Variants in DAB2 observed in about 807,000 individuals in gnomAD.
The protein encoded by DAB2 is disabled homolog 2.
In DAB2, 28 loss-of-function variants were observed where a neutral mutation model predicts 71.6. The ratio of observed to expected loss-of-function variants is 0.39; its 90% CI spans 0.29 to 0.54. DAB2 has a LOEUF of 0.54. DAB2 is among the 20% of genes least tolerant of loss of function. The pLI, the probability that DAB2 is intolerant of heterozygous loss-of-function variation, is 0.68. For missense variants in DAB2, 867 were observed against 928.8 expected, an observed-to-expected ratio of 0.93 and a Z score of 0.86; for synonymous variants, 345 against 339.7, an observed-to-expected ratio of 1.02 and a Z score of -0.17.
chr5:39,410,429 T>C (rs1192299109), intron 1 of DAB2, among the ~76,000 whole-genome samples: 2 of 152,178 alleles, frequency 1.3e-5, no homozygotes, highest in African/African-American at 2.4e-5. Context: ...TAATAGCCCA[T>C]GCAAGATGTT....
At chr5:39,388,924 T>C (rs1235063222) in intron 7 of DAB2, 72 bp from the exon 8 acceptor site, 1 of 1,387,866 alleles carries the variant, frequency 7.2e-7, no homozygotes, top group Non-Finnish European at 1.0e-6. Context: ...ACTCTATTAG[T>C]CTGCTAAGCA....
chr5:39,394,416 A>G lies in DAB2; in HGVS notation c.-96T>C. 1 of 896,092 alleles carries G rather than the reference A, an allele frequency of 1.1e-6. No homozygotes were observed. The highest frequency in any genetic ancestry group is 1.9e-6 in the Non-Finnish European group (1 of 533,990). 55.5% of individuals were successfully genotyped at this position (896,092 alleles called of 1,614,324 possible). On this transcript the variant is annotated 5_prime_UTR_variant, in exon 2 of 15. Transcript: ENST00000320816. ...GTCTCAAATAAACATAACCTCCCAC[A>G]GACACCTGTAGGCAGAGTTTAGAGG... is the stretch of plus-strand genomic sequence containing the variant.
At chr5:39,388,722 T>C (rs753672437) in intron 8 of DAB2, 77 bp downstream of exon 8, 39 of 1,182,134 alleles carry the variant, frequency 3.3e-5, no homozygotes, top group Non-Finnish European at 4.6e-5. Context: ...ACAGATTTGG[T>C]ATCAGCAACA....
intron 1 of DAB2, chr5:39,423,839 G>C (rs1756042392): frequency 6.6e-6 from 1 of 152,028 alleles, no homozygotes; most frequent in African/African-American, 2.4e-5. Context: ...CCATGTGTCT[G>C]GAAGCTTGTT....
chr5:39,392,259 T>G, intron 4 of DAB2, 106 bp downstream of exon 4: 1 of 786,042 alleles, frequency 1.3e-6, no homozygotes. Context: ...GATATATTTG[T>G]TCCCCACAGA....
chr5:39,392,038 T>C (rs1281557994), intron 4 of DAB2, among the ~76,000 whole-genome samples: 1 of 147,738 alleles, frequency 6.8e-6, no homozygotes, highest in Non-Finnish European at 1.5e-5. Context: ...TATTTTAATG[T>C]ATATTTGTAT....
intron 3 of DAB2, among the ~76,000 whole-genome samples, chr5:39,392,772 T>G (rs916264572): frequency 1.3e-5 from 2 of 152,232 alleles, no homozygotes; most frequent in African/African-American, 2.4e-5. Context: ...GAACAAGTAT[T>G]ATTTATTCAG....
intron 1 of DAB2, among the ~76,000 whole-genome samples, chr5:39,403,831 G>GT (rs1010494124): frequency 3.4e-5 from 5 of 146,184 alleles, no homozygotes; most frequent in African/African-American, 1.0e-4. Context: ...TACCCATTTT[G>GT]TTTTTTTTAA....
intron 1 of DAB2, among the ~76,000 whole-genome samples, chr5:39,395,037 G>A (rs1402259006): frequency 6.6e-6 from 1 of 152,122 alleles, no homozygotes; most frequent in Non-Finnish European, 1.5e-5. Context: ...GGTTCCAATT[G>A]TGCAATTAAT....
intron 11 of DAB2, among the ~76,000 whole-genome samples, chr5:39,378,288 T>C (rs1754879536): frequency 6.6e-6 from 1 of 152,214 alleles, no homozygotes; most frequent in Admixed American, 6.5e-5. Context: ...CTTTCCTGCC[T>C]CTTTCCAAGT....
At chr5:39,374,879 T>G in intron 14 of DAB2, 135 bp downstream of exon 14, 1 of 666,584 alleles carries the variant, frequency 1.5e-6, no homozygotes, top group Non-Finnish European at 2.7e-6. Flanking sequence ...TCAGTAGAGA[T>G]TTTCCTGTCG....
intron 1 of DAB2, 106 bp downstream of exon 1, chr5:39,424,698 A>C (rs1179944877): frequency 8.0e-6 from 1 of 124,752 alleles, no homozygotes; most frequent in African/African-American, 3.0e-5. Context: ...GTACTCAAAG[A>C]AGGGTAGCGG....
rs1042068373 is a variant in DAB2, at chr5:39,392,244, T to C, written c.330+121A>G. The C allele has an allele frequency of 8.6e-5, 63 of 732,602 alleles. No individual in the cohort carries two copies. In the African/African-American group the frequency reaches 1.0e-3, roughly 12 times the overall value. 45.4% of individuals were successfully genotyped at this position (732,602 alleles called of 1,614,324 possible). ...CTGCCTGTTACTTCTGGAGATGTAA[T>C]ATATGATATATTTGTTCCCCACAGA... On this transcript the variant is annotated intron_variant, in intron 4 of 14. Transcript: ENST00000320816.
intron 11 of DAB2, among the ~76,000 whole-genome samples, chr5:39,379,555 T>C (rs1754909852): frequency 6.6e-6 from 1 of 151,854 alleles, no homozygotes; most frequent in South Asian, 2.1e-4. Context: ...AATCCCCACA[T>C]TGTGTTTTAA....
At position 39,381,579 on chromosome 5, in the gene DAB2, G is replaced by A. The variant is rs149046873; in HGVS notation, c.1379C>T (p.Ala460Val). Residue 460 changes from alanine (A) to valine (V), a missense_variant, in exon 11 of 15, where the codon GCT becomes GTT. By Grantham distance (64) the Ala-to-Val change is moderately conservative (BLOSUM62 0). Coordinates refer to ENST00000320816, the MANE Select transcript of DAB2 (RefSeq NM_001343.4). Reference sequence around the variant, plus strand: ...GCCTGAAGGTTCTGAGACGGGAGGAGCAAAGATGTCTGATGCAAGCAAGTC... The same window carrying A: ...GCCTGAAGGTTCTGAGACGGGAGGAACAAAGATGTCTGATGCAAGCAAGTC... ...ANDLLASDIF[A>V]PPVSEPSGQA... The A allele has an allele frequency of 5.0e-6, 8 of 1,613,920 alleles. No homozygotes were observed. Among genetic ancestry groups the A allele is most frequent in the Non-Finnish European group, 5.1e-6 (6 of 1,179,976 alleles).
chr5:39,375,142 G>GC (rs1754794843), intron 13 of DAB2, 58 bp from the exon 14 acceptor site: 23 of 1,302,590 alleles, frequency 1.8e-5, no homozygotes, highest in Non-Finnish European at 2.4e-5. Flanking sequence ...GAAAAAAATC[G>GC]CAATGAAGAC....
At chr5:39,392,307 G>A (rs1755251347) in intron 4 of DAB2, 58 bp downstream of exon 4, 1 of 1,311,186 alleles carries the variant, frequency 7.6e-7, no homozygotes, top group Non-Finnish European at 1.1e-6. Flanking sequence ...AATTCAAGTA[G>A]CAAATTGTTG....
chr5:39,388,206 C>A, intron 9 of DAB2, 99 bp downstream of exon 9: 1 of 851,520 alleles, frequency 1.2e-6, no homozygotes, highest in Non-Finnish European at 1.9e-6. Flanking sequence ...CAACAGTCAC[C>A]TTCCAAGTTT....
chr5:39,382,273 G>A (rs1754997816), intron 10 of DAB2, among the ~76,000 whole-genome samples: 2 of 152,160 alleles, frequency 1.3e-5, no homozygotes, highest in South Asian at 4.1e-4. Flanking sequence ...GAAGTACAAA[G>A]GGAATCACAA....
Sources: allele counts gnomAD v4.1 joint callset (sites outside exome capture counted in the v4.1 genomes callset), GRCh38; gene constraint gnomAD v4.1.1; transcripts MANE v1.5; gene names NCBI Gene and HGNC (gene_info 2026-07-23, HGNC 2026-07-21).